The following EYS variants were observed in gnomAD, a reference collection of about 807,000 sequenced individuals.
EYS encodes the protein protein eyes shut homolog.
EYS carries 250 observed loss-of-function variants against 282.1 expected under a neutral mutation model. The observed-to-expected ratio is 0.89, with a 90% CI of 0.80 to 0.98. The LOEUF (loss-of-function observed/expected upper bound fraction) is 0.98, where lower values mean the gene tolerates loss of function less well. Ranked by LOEUF, EYS falls within the 50% of genes least tolerant of loss-of-function variation. The pLI, the probability that EYS is intolerant of heterozygous loss-of-function variation, is 0.00. For missense variants in EYS, 4,016 were observed against 3,709.0 expected (o/e 1.08, Z -2.15); for synonymous variants, 1,355 against 1,282.9 (o/e 1.06, Z -1.20).
intron 29 of EYS, among the ~76,000 whole-genome samples, chr6:64,330,939 G>A (rs1382033506): frequency 1.3e-5 from 2 of 152,186 alleles, no homozygotes; most frequent in Non-Finnish European, 2.9e-5. Context: ...GGAAACAGTG[G>A]ATGAGGTTTT....
At chr6:65,671,628 C>G (rs1768393858) in intron 1 of EYS, among the ~76,000 whole-genome samples, 1 of 151,976 alleles carries the variant, frequency 6.6e-6, no homozygotes, top group South Asian at 2.1e-4. Context: ...GACACCAACT[C>G]AACAATATGC....
At chr6:63,751,542 C>T (rs759382567) in intron 41 of EYS, among the ~76,000 whole-genome samples, 3 of 152,154 alleles carry the variant, frequency 2.0e-5, no homozygotes, top group East Asian at 3.9e-4. Context: ...AAGAACTTTT[C>T]TTCCATCCTT....
intron 26 of EYS, among the ~76,000 whole-genome samples, chr6:64,465,890 T>C (rs1483647130): frequency 2.6e-5 from 4 of 151,924 alleles, no homozygotes; most frequent in Admixed American, 2.6e-4. Context: ...TTTAAGAAAC[T>C]GAAACAACTC....
chr6:64,715,600 G>A lies in EYS; in HGVS notation c.3444-89355C>T, dbSNP rs116088297. 9.6e-3 allele frequency among the ~76,000 whole-genome samples: 1,457 copies of A among 152,306 alleles called. 27 individuals are homozygous for A. Among genetic ancestry groups the A allele is most frequent in the African/African-American group, 0.033 (1,390 of 41,566 alleles). ...TTCCTTCCAAGTTTGGGGGTTTTCT[G>A]TGGCTGGGAAGTAATGCTCAGATGC... On this transcript the variant is annotated intron_variant, in intron 22 of 42. Coordinates refer to ENST00000503581, the MANE Select transcript of EYS (RefSeq NM_001142800.2).
chr6:65,421,538 C>T (rs1327916520), intron 5 of EYS, among the ~76,000 whole-genome samples: 1 of 151,692 alleles, frequency 6.6e-6, no homozygotes, highest in Non-Finnish European at 1.5e-5. Flanking sequence ...TAGTAGCACT[C>T]TTAATTTCCT....
intron 30 of EYS, 34 bp downstream of exon 30, chr6:64,306,936 C>G: frequency 1.0e-6 from 1 of 972,932 alleles, no homozygotes; most frequent in Non-Finnish European, 1.6e-6. Flanking sequence ...GTTATTTGAA[C>G]AAGTTATTAG....
At chr6:64,953,128 C>T (rs1462907844) in intron 14 of EYS, among the ~76,000 whole-genome samples, 4 of 151,320 alleles carry the variant, frequency 2.6e-5, no homozygotes, top group Admixed American at 1.3e-4. Context: ...GATTAAAATC[C>T]CCATTGAAAG....
At chr6:65,619,437 C>G (rs577435266) in intron 2 of EYS, among the ~76,000 whole-genome samples, 20 of 152,266 alleles carry the variant, frequency 1.3e-4, no homozygotes, top group African/African-American at 4.6e-4. Context: ...TGTTTATCAG[C>G]TTTAGGAGAT....
rs201498090 is a variant in EYS, at chr6:64,372,130, GTTTTTTTTTTTTTTT to G, written c.6078+16545_6078+16559del. The stretch of plus-strand genomic sequence containing the variant: ...TAGCATCACTGGTCTGTATACTTGT[GTTTTTTTTTTTTTTT>G]TTTTTTTTTTTTTTTGTAGTGGCCA... On this transcript the variant is annotated intron_variant, in intron 29 of 42. Coordinates refer to ENST00000503581, the MANE Select transcript of EYS (RefSeq NM_001142800.2). Among the ~76,000 whole-genome samples, 371 of 97,714 alleles carry G rather than the reference GTTTTTTTTTTTTTTT, an allele frequency of 3.8e-3. 1 individual carries two copies. Among genetic ancestry groups the G allele is most frequent in the South Asian group, 0.017 (54 of 3,124 alleles). 64.1% of individuals were successfully genotyped at this position (97,714 alleles called of 152,430 possible). A position where few individuals can be genotyped will look rare whatever the true frequency, so the allele number is the denominator to read the frequency against.
chr6:63,898,871 G>T (rs1298330508), intron 35 of EYS, among the ~76,000 whole-genome samples: 2 of 152,188 alleles, frequency 1.3e-5, no homozygotes, highest in African/African-American at 4.8e-5. Context: ...AGACTAGTCA[G>T]ATTAAGAAGC....
At chr6:65,487,040 G>T (rs1326959545) in intron 5 of EYS, among the ~76,000 whole-genome samples, 1 of 152,140 alleles carries the variant, frequency 6.6e-6, no homozygotes, top group African/African-American at 2.4e-5. Context: ...CTGAGACTTT[G>T]CTGAAGTTCC....
chr6:63,760,648 A>ATATCTATCTATCTATC (rs36182718), intron 41 of EYS, among the ~76,000 whole-genome samples: 5 of 146,006 alleles, frequency 3.4e-5, no homozygotes, highest in East Asian at 2.0e-4. Context: ...GTATGTATGT[A>ATATCTATCTATCTATC]TATCTATCTA....
At chr6:64,681,229 T>C (rs1262644658) in intron 22 of EYS, among the ~76,000 whole-genome samples, 2 of 152,144 alleles carry the variant, frequency 1.3e-5, no homozygotes, top group East Asian at 3.9e-4. Context: ...AGGAAGAAAC[T>C]GAAGAAGATT....
intron 2 of EYS, among the ~76,000 whole-genome samples, chr6:65,500,246 A>G (rs1766401554): frequency 6.6e-6 from 1 of 152,070 alleles, no homozygotes; most frequent in African/African-American, 2.4e-5. Context: ...AATAAGGCAT[A>G]GGATTAAACA....
chr6:63,864,503 T>C (rs374537625), intron 35 of EYS, 145 bp from the exon 36 acceptor site: 1 of 552,974 alleles, frequency 1.8e-6, no homozygotes, highest in Non-Finnish European at 3.0e-6. Context: ...CTCCCTCTTT[T>C]CTGTTTCAAC....
At chr6:65,140,082 C>G (rs1415972335) in intron 12 of EYS, among the ~76,000 whole-genome samples, 2 of 151,844 alleles carry the variant, frequency 1.3e-5, no homozygotes, top group Non-Finnish European at 2.9e-5. Context: ...TTGTAATGAT[C>G]TGAAAAGAAT....
At chr6:65,470,894 C>A (rs550695859) in intron 5 of EYS, among the ~76,000 whole-genome samples, 94 of 151,802 alleles carry the variant, frequency 6.2e-4, no homozygotes, top group African/African-American at 2.1e-3. Context: ...AAAAGGATGG[C>A]TTGGGAGGCT....
chr6:64,082,619 G>A (rs919878759), intron 31 of EYS, among the ~76,000 whole-genome samples: 1 of 150,516 alleles, frequency 6.6e-6, no homozygotes, highest in Non-Finnish European at 1.5e-5. Flanking sequence ...CTGTCACACA[G>A]AGGAATTTTA....
chr6:64,681,323 C>G (rs1326516854), intron 22 of EYS, among the ~76,000 whole-genome samples: 1 of 152,116 alleles, frequency 6.6e-6, no homozygotes, highest in African/African-American at 2.4e-5. Flanking sequence ...TCTGGTCCCC[C>G]GTGCCCTTTT....
Sources: gnomAD v4.1 joint callset for allele counts (sites outside exome capture counted in the v4.1 genomes callset) on GRCh38, gnomAD v4.1.1 for gene constraint, MANE v1.5 for transcripts, NCBI Gene and HGNC (gene_info 2026-07-23, HGNC 2026-07-21) for gene names.